ATG14: variants seen among roughly 807,000 people sequenced by gnomAD.
ATG14 encodes the protein beclin 1-associated autophagy-related key regulator.
ATG14 carries 35 observed loss-of-function variants against 60.4 expected under a neutral mutation model. The ratio of observed to expected loss-of-function variants is 0.58; its 90% CI spans 0.44 to 0.77. The LOEUF (loss-of-function observed/expected upper bound fraction) is 0.77. ATG14 is among the 30% of genes least tolerant of loss of function. The pLI is 0.00. For synonymous variants in ATG14, 234 were observed against 228.8 expected, an observed-to-expected ratio of 1.02 and a Z score of -0.21; for missense variants, 647 against 626.3, an observed-to-expected ratio of 1.03 and a Z score of -0.35.
chr14:55,389,909 C>T (rs1348181859), intron 4 of ATG14, among the ~76,000 whole-genome samples: 2 of 151,268 alleles, frequency 1.3e-5, no homozygotes, highest in Non-Finnish European at 2.9e-5. Context: ...ATAAAGTGTA[C>T]AAATATGATG....
chr14:55,405,945 A>C (rs959559549), intron 1 of ATG14, among the ~76,000 whole-genome samples: 2 of 151,756 alleles, frequency 1.3e-5, no homozygotes, highest in Admixed American at 6.6e-5. Flanking sequence ...ATTGTTCAGG[A>C]CTGGGGGCAA....
chr14:55,387,860 A>G (rs1159524984), intron 4 of ATG14, among the ~76,000 whole-genome samples: 1 of 152,050 alleles, frequency 6.6e-6, no homozygotes, highest in Non-Finnish European at 1.5e-5. Context: ...GTAGAGATGG[A>G]GTTTGACCAT....
chr14:55,379,089 G>GGC (rs1170595086), intron 7 of ATG14, among the ~76,000 whole-genome samples: 1 of 152,010 alleles, frequency 6.6e-6, no homozygotes, highest in Non-Finnish European at 1.5e-5. Context: ...ATTTATGCTG[G>GGC]GCCCTCCATG....
At chr14:55,393,204 AC>A (rs898783686) in intron 3 of ATG14, among the ~76,000 whole-genome samples, 6 of 145,604 alleles carry the variant, frequency 4.1e-5, no homozygotes, top group African/African-American at 9.9e-5. Flanking sequence ...ACACGGTGAA[AC>A]CCCGTCTCTA....
chr14:55,375,490 A>AATTTTTTTTTTTTTTTTTTTTTTT, intron 9 of ATG14, among the ~76,000 whole-genome samples: 1 of 117,798 alleles, frequency 8.5e-6, no homozygotes, highest in Non-Finnish European at 1.7e-5. Flanking sequence ...GCCGGGCTAA[A>AATTTTTTTTTTTTTTTTTTTTTTT]TTTTTTTTTT....
intron 5 of ATG14, among the ~76,000 whole-genome samples, chr14:55,383,537 C>T (rs1028361622): frequency 6.6e-6 from 1 of 151,304 alleles, no homozygotes; most frequent in Non-Finnish European, 1.5e-5. Context: ...GGTGACAAAG[C>T]GAGACTCCAT....
At chr14:55,393,665 C>T (rs1885262297) in intron 3 of ATG14, among the ~76,000 whole-genome samples, 1 of 151,916 alleles carries the variant, frequency 6.6e-6, no homozygotes, top group African/African-American at 2.4e-5. Context: ...CCACCTCAAC[C>T]TCCCAAGTAG....
chr14:55,405,268 A>C (rs1289643309), intron 1 of ATG14, among the ~76,000 whole-genome samples: 1 of 152,246 alleles, frequency 6.6e-6, no homozygotes, highest in Non-Finnish European at 1.5e-5. Context: ...AAGTATCTAA[A>C]GGATATTTTT....
intron 1 of ATG14, among the ~76,000 whole-genome samples, chr14:55,406,964 CTT>C (rs202011572): frequency 2.2e-4 from 31 of 141,314 alleles, no homozygotes; most frequent in Admixed American, 4.2e-4. Context: ...TTGAGATTGT[CTT>C]TTTTTTTTTT....
Position 55,369,298 on chromosome 14 carries a change from G to C in ATG14, c.*321C>G, listed in dbSNP as rs1407076945. ...ACTGACCCATATCTGTGGGCCCGGT[G>C]GCCCGGGCCCAGAGGGAACCCAAAT... On this transcript the variant is annotated 3_prime_UTR_variant, in exon 10 of 10. Transcript: ENST00000247178. 5.0e-6 allele frequency: 1 copy of C among 201,544 alleles called. No homozygotes were observed. Among genetic ancestry groups the C allele is most frequent in the African/African-American group, 2.3e-5 (1 of 43,354 alleles). The allele number at this position is 201,544 out of a possible 1,614,324, so 12.5% of individuals were successfully genotyped here. A position where few individuals can be genotyped will look rare whatever the true frequency, so the allele number is the denominator to read the frequency against.
intron 6 of ATG14, among the ~76,000 whole-genome samples, 185 bp from the exon 7 acceptor site, chr14:55,380,875 A>ATATATTTTTTTTTTTT (rs377330757): frequency 1.8e-5 from 2 of 112,704 alleles, no homozygotes; most frequent in South Asian, 2.9e-4. Flanking sequence ...ATATATATAT[A>ATATATTTTTTTTTTTT]TTTTTTTTTT....
At chr14:55,411,251 T>C (rs763690304) in intron 1 of ATG14, among the ~76,000 whole-genome samples, 1 of 152,206 alleles carries the variant, frequency 6.6e-6, no homozygotes, top group African/African-American at 2.4e-5. Context: ...AGCCAAGCTT[T>C]TGAATGGGAG....
Position 55,411,663 on chromosome 14 carries a change from T to C in ATG14, c.160A>G (p.Thr54Ala). The C allele has an allele frequency of 6.2e-7, 1 of 1,613,456 alleles. No individual in the cohort carries two copies. The highest frequency in any genetic ancestry group is 8.5e-7 in the Non-Finnish European group (1 of 1,179,918). Residue 54 changes from threonine to alanine, a missense_variant, in exon 1 of 10, where the codon ACC becomes GCC. Thr to Ala is a moderately conservative substitution (Grantham distance 58). Coordinates refer to ENST00000247178, the MANE Select transcript of ATG14 (RefSeq NM_014924.5). ...PLCNTTRRRL[T>A]CAKCVQSGDF... is the part of the protein sequence containing the mutation. ...CCGCTCTGAACGCATTTGGCGCAGG[T>C]CAGCCGCCGGCGGGTAGTGTTGCAC...
chr14:55,405,180 C>G (rs922616255), intron 1 of ATG14, among the ~76,000 whole-genome samples: 17 of 152,224 alleles, frequency 1.1e-4, no homozygotes, highest in African/African-American at 4.1e-4. Context: ...GTTCAGTATA[C>G]AGAATTGAAT....
In ATG14 at chr14:55,411,797, G is replaced by C. The variant is rs1171406935; in HGVS notation, c.26C>G (p.Ala9Gly). The C allele has an allele frequency of 3.8e-6, 6 of 1,599,092 alleles. No homozygotes were observed. The highest frequency in any genetic ancestry group is 1.7e-5 in the Admixed American group (1 of 57,824). Residue 9 changes from alanine to glycine, a missense_variant, in exon 1 of 10, where the codon GCC (alanine) becomes GGC (glycine). By Grantham distance (60) the Ala-to-Gly change is moderately conservative. Coordinates refer to ENST00000247178, the MANE Select transcript of ATG14 (RefSeq NM_014924.5). ...GCAGCCAGGAGCCTCCAGCGCCCGG[G>C]CTCCCTTCCCACTGGGAGACGCCAT... The part of the protein sequence containing the change: MASPSGKG[A>G]RALEAPGCGP...
intron 9 of ATG14, among the ~76,000 whole-genome samples, chr14:55,372,248 C>A (rs1884836427): frequency 1.3e-5 from 2 of 152,104 alleles, no homozygotes; most frequent in African/African-American, 4.8e-5. Context: ...CCTTTCCATT[C>A]TCAATTTGTC....
Position 55,368,798 on chromosome 14 carries a change from CTTA to C in ATG14, c.*818_*820del, listed in dbSNP as rs1884743678. On this transcript the variant is annotated 3_prime_UTR_variant, in exon 10 of 10. Coordinates refer to ENST00000247178, the MANE Select transcript of ATG14 (RefSeq NM_014924.5). The stretch of plus-strand genomic sequence containing the variant: ...TTACATAAGGGAATGACCTTCATGA[CTTA>C]TTTTCACCCAGAAAATATAAGTTCA... The C allele has an allele frequency of 6.6e-6, 1 of 152,216 alleles. No individual in the cohort carries two copies. Among genetic ancestry groups the C allele is most frequent in the Non-Finnish European group, 1.5e-5 (1 of 68,046 alleles). The allele number at this position is 152,216 out of a possible 1,614,324, so 9.4% of individuals were successfully genotyped here.
intron 1 of ATG14, among the ~76,000 whole-genome samples, chr14:55,402,947 ATATATATATATATATAT>A (rs1885430867): frequency 1.4e-5 from 1 of 73,832 alleles, no homozygotes; most frequent in Non-Finnish European, 2.8e-5. Context: ...ATATATATAT[ATATATATATATATATAT>A]ATATAAATAG....
At chr14:55,371,694 C>T (rs1246775930) in intron 9 of ATG14, among the ~76,000 whole-genome samples, 1 of 152,132 alleles carries the variant, frequency 6.6e-6, no homozygotes, top group African/African-American at 2.4e-5. Context: ...GTCCCGGCTA[C>T]TCAGGAGGCT....
Sources: allele counts gnomAD v4.1 joint callset (sites outside exome capture counted in the v4.1 genomes callset), GRCh38; gene constraint gnomAD v4.1.1; transcripts MANE v1.5; gene names NCBI Gene and HGNC (gene_info 2026-07-23, HGNC 2026-07-21).